The following MNAT1 variants were observed in gnomAD, a reference collection of about 807,000 sequenced individuals.
The protein encoded by MNAT1 is MNAT1 component of CDK activating kinase, also known as CDK-activating kinase assembly factor MAT1.
Under a neutral mutation model 42.0 loss-of-function variants are expected in MNAT1, and 43 were observed. The ratio of observed to expected loss-of-function variants is 1.02; its 90% CI spans 0.80 to 1.32. The LOEUF is 1.32. MNAT1 is among the 40% of genes most tolerant of loss of function. The probability of loss-of-function intolerance (pLI) is 0.00; values close to 1 mark genes in which losing one functional copy is unlikely to be tolerated. For synonymous variants in MNAT1, 118 were observed against 120.0 expected, an observed-to-expected ratio of 0.98 and a Z score of 0.11; for missense variants, 306 against 350.4, an observed-to-expected ratio of 0.87 and a Z score of 1.01.
intron 1 of MNAT1, among the ~76,000 whole-genome samples, chr14:60,784,075 C>T (rs949327914): frequency 5.3e-5 from 8 of 151,730 alleles, no homozygotes; most frequent in East Asian, 3.9e-4. Context: ...GACACAATCT[C>T]GGCTCACTGC....
chr14:60,929,754 T>C (rs2035847907), intron 7 of MNAT1, among the ~76,000 whole-genome samples: 1 of 152,202 alleles, frequency 6.6e-6, no homozygotes, highest in South Asian at 2.1e-4. Flanking sequence ...TTGTTAACTC[T>C]GAGGAATTTC....
Position 60,734,981 on chromosome 14 carries a change from G to T in MNAT1, c.89+30G>T. On this transcript the variant is annotated intron_variant, in intron 1 of 7. Transcript: ENST00000261245. This position sits in a 1 kb window ranked among gnomAD's most constrained non-coding sequence, Gnocchi z 4.3. ...GTTGGGCGGCAGTGGATTCCCTGGG[G>T]GAGAGACGCGCTGGGTGGGAGGAGA... 32 of 1,605,120 alleles carry T rather than the reference G, an allele frequency of 2.0e-5. No individual in the cohort carries two copies. Among genetic ancestry groups the T allele is most frequent in the Non-Finnish European group, 2.7e-5 (32 of 1,171,808 alleles).
At chr14:60,898,122 TGTGTGTGTGTGTGTGTGTGC>T (rs920699659) in intron 7 of MNAT1, among the ~76,000 whole-genome samples, 20 of 85,346 alleles carry the variant, frequency 2.3e-4, no homozygotes, top group East Asian at 5.9e-4. Flanking sequence ...TGTGTGTGTG[TGTGTGTGTGTGTGTGTGTGC>T]GCGCGCCACA....
chr14:60,791,071 T>C (rs996307442), intron 1 of MNAT1, among the ~76,000 whole-genome samples: 4 of 152,178 alleles, frequency 2.6e-5, no homozygotes, highest in Admixed American at 6.5e-5. Flanking sequence ...CTTTATTTAA[T>C]TATTAACTCT....
At chr14:60,931,701 G>C (rs1213579927) in intron 7 of MNAT1, among the ~76,000 whole-genome samples, 1 of 151,958 alleles carries the variant, frequency 6.6e-6, no homozygotes, top group Non-Finnish European at 1.5e-5. Context: ...TTTTGATTTA[G>C]TCAGTGTGGG....
At chr14:60,815,610 A>G (rs1382835355) in intron 5 of MNAT1, among the ~76,000 whole-genome samples, 1 of 152,208 alleles carries the variant, frequency 6.6e-6, no homozygotes, top group Non-Finnish European at 1.5e-5. Flanking sequence ...ATGAAGCAAG[A>G]TGTGAAACTA....
At chr14:60,772,149 A>C (rs999873444) in intron 1 of MNAT1, among the ~76,000 whole-genome samples, 1 of 152,184 alleles carries the variant, frequency 6.6e-6, no homozygotes, top group Admixed American at 6.5e-5. Context: ...GATCAAAACC[A>C]TACTCAGGAG....
intron 1 of MNAT1, among the ~76,000 whole-genome samples, chr14:60,746,977 C>A (rs1449239763): frequency 2.9e-5 from 2 of 67,900 alleles, no homozygotes; most frequent in African/African-American, 5.4e-5. Context: ...CACACACACA[C>A]AAAATTATGT....
At chr14:60,906,690 A>G (rs1219040778) in intron 7 of MNAT1, among the ~76,000 whole-genome samples, 1 of 152,208 alleles carries the variant, frequency 6.6e-6, no homozygotes, top group African/African-American at 2.4e-5. Context: ...TGTGTTGTTT[A>G]TAGAGATTTT....
chr14:60,836,735 G>A (rs1382165458), intron 6 of MNAT1, among the ~76,000 whole-genome samples: 1 of 152,218 alleles, frequency 6.6e-6, no homozygotes, highest in East Asian at 1.9e-4. Context: ...CACTTGAGGA[G>A]GCAGTCTGTT....
intron 1 of MNAT1, among the ~76,000 whole-genome samples, chr14:60,791,554 A>C (rs1347522764): frequency 6.6e-6 from 1 of 152,188 alleles, no homozygotes; most frequent in East Asian, 1.9e-4. Context: ...TTTAACAGCA[A>C]ATATTCCAAA....
chr14:60,824,415 T>C (rs7492782), intron 6 of MNAT1, among the ~76,000 whole-genome samples: 1 of 152,218 alleles, frequency 6.6e-6, no homozygotes, highest in East Asian at 1.9e-4. Context: ...ATTGTGGCTA[T>C]GTAGGTACTT....
intron 7 of MNAT1, among the ~76,000 whole-genome samples, chr14:60,892,398 G>A (rs1340144482): frequency 1.1e-4 from 17 of 152,142 alleles, no homozygotes; most frequent in Admixed American, 7.2e-4. Context: ...CCTCATATTA[G>A]TATTTACCTC....
chr14:60,754,341 C>CTTT (rs1302508545), intron 1 of MNAT1, among the ~76,000 whole-genome samples: 9 of 126,180 alleles, frequency 7.1e-5, no homozygotes, highest in Non-Finnish European at 1.0e-4. Flanking sequence ...GAAATTTCTT[C>CTTT]TTTTTTTTTT....
chr14:60,861,186 A>C (rs957390343), intron 6 of MNAT1, among the ~76,000 whole-genome samples: 1 of 152,178 alleles, frequency 6.6e-6, no homozygotes, highest in Non-Finnish European at 1.5e-5. Flanking sequence ...AAGATATAAC[A>C]CTTGAAAAAC....
chr14:60,836,494 C>T (rs904927804), intron 6 of MNAT1, among the ~76,000 whole-genome samples: 2 of 152,160 alleles, frequency 1.3e-5, no homozygotes, highest in African/African-American at 2.4e-5. Context: ...CAGACAAACC[C>T]CTCTGCTGCA....
intron 7 of MNAT1, among the ~76,000 whole-genome samples, chr14:60,883,814 A>G (rs938196607): frequency 6.6e-6 from 1 of 151,656 alleles, no homozygotes; most frequent in Non-Finnish European, 1.5e-5. Context: ...ATTCCTAGGT[A>G]TTTTATTCTA....
At position 60,969,821 on chromosome 14, in the gene MNAT1, C is replaced by T. The variant is rs917605471; in HGVS notation, c.*1472C>T. The T allele has an allele frequency of 3.9e-5, 6 of 152,098 alleles. No individual in the cohort carries two copies. Among genetic ancestry groups the T allele is most frequent in the African/African-American group, 1.4e-4 (6 of 41,416 alleles). 9.4% of individuals were successfully genotyped at this position (152,098 alleles called of 1,614,324 possible). A position where few individuals can be genotyped will look rare whatever the true frequency, so the allele number is the denominator to read the frequency against. On this transcript the variant is annotated 3_prime_UTR_variant, in exon 8 of 8. Transcript: ENST00000261245. Reference sequence around the variant, plus strand: ...GAAACACTACTGCTTGTTCTCATACCTTTTATAAATGTATTTTAAAAAGAA... The same window carrying T: ...GAAACACTACTGCTTGTTCTCATACTTTTTATAAATGTATTTTAAAAAGAA...
chr14:60,888,626 G>A (rs1486105807), intron 7 of MNAT1, among the ~76,000 whole-genome samples: 1 of 150,342 alleles, frequency 6.7e-6, no homozygotes, highest in Non-Finnish European at 1.5e-5. Context: ...GGAAATAAAG[G>A]GCATTCAATT....
Sources: allele counts gnomAD v4.1 joint callset (sites outside exome capture counted in the v4.1 genomes callset), GRCh38; gene constraint gnomAD v4.1.1; non-coding constraint Gnocchi (gnomAD v3.1); transcripts MANE v1.5; gene names NCBI Gene and HGNC (gene_info 2026-07-23, HGNC 2026-07-21).